Variants in CYRIA observed in about 807,000 individuals in gnomAD.
CYRIA encodes CYFIP related Rac1 interactor A, also known as CYFIP-related Rac1 interactor A.
Under a neutral mutation model 43.9 loss-of-function variants are expected in CYRIA, and 15 were observed. The observed-to-expected ratio is 0.34, with a 90% CI of 0.23 to 0.53. The LOEUF is 0.53. Among genes scored for constraint, CYRIA ranks in the 20% least tolerant of loss-of-function variants. The pLI is 0.94. For missense variants in CYRIA, 236 were observed against 394.2 expected, an observed-to-expected ratio of 0.60 and a Z score of 3.40; for synonymous variants, 117 against 136.0, an observed-to-expected ratio of 0.86 and a Z score of 0.97.
chr2:16,620,356 C>T (rs1668953136), intron 2 of CYRIA, among the ~76,000 whole-genome samples: 1 of 152,162 alleles, frequency 6.6e-6, no homozygotes, highest in Non-Finnish European at 1.5e-5. Context: ...AACCATTTCA[C>T]AGCTATCTGT....
At chr2:16,600,044 T>C (rs974836319) in intron 2 of CYRIA, among the ~76,000 whole-genome samples, 2 of 152,160 alleles carry the variant, frequency 1.3e-5, no homozygotes, top group African/African-American at 4.8e-5. Flanking sequence ...GCGTGAGCCA[T>C]CGTGCCTGGC....
At chr2:16,587,651 T>C (rs1239496417) in intron 3 of CYRIA, among the ~76,000 whole-genome samples, 1 of 152,054 alleles carries the variant, frequency 6.6e-6, no homozygotes, top group Non-Finnish European at 1.5e-5. Flanking sequence ...TTCCCACTTG[T>C]TGTGGGAGGG....
intron 10 of CYRIA, 56 bp from the exon 11 acceptor site, chr2:16,555,195 T>C (rs1489496373): frequency 5.6e-6 from 8 of 1,431,778 alleles, no homozygotes; most frequent in Non-Finnish European, 7.8e-6. Context: ...TCTATGCCAA[T>C]ATCTACCCAT....
intron 3 of CYRIA, among the ~76,000 whole-genome samples, chr2:16,583,678 A>G (rs531603510): frequency 6.6e-6 from 1 of 152,282 alleles, no homozygotes; most frequent in East Asian, 1.9e-4. Context: ...AACTGAAGCC[A>G]TCACTCGTGA....
At chr2:16,556,001 A>G (rs1666497054) in intron 10 of CYRIA, among the ~76,000 whole-genome samples, 1 of 152,130 alleles carries the variant, frequency 6.6e-6, no homozygotes, top group African/African-American at 2.4e-5. Context: ...GTGCATGGAA[A>G]CTGAATTTAT....
chr2:16,579,425 A>ACACACGCACATGCACACACC (rs1667470249), intron 3 of CYRIA, among the ~76,000 whole-genome samples: 1 of 151,604 alleles, frequency 6.6e-6, no homozygotes, highest in African/African-American at 2.4e-5. Context: ...ACATGCACAC[A>ACACACGCACATGCACACACC]CACACACACA....
intron 2 of CYRIA, among the ~76,000 whole-genome samples, chr2:16,615,793 A>G (rs1295035167): frequency 6.6e-6 from 1 of 152,258 alleles, no homozygotes; most frequent in Non-Finnish European, 1.5e-5. Context: ...ACGTTACTGT[A>G]ACATTCGGTG....
chr2:16,653,583 C>A (rs983732677), intron 1 of CYRIA, among the ~76,000 whole-genome samples: 9 of 150,672 alleles, frequency 6.0e-5, no homozygotes, highest in African/African-American at 2.2e-4. Flanking sequence ...CTTTCCCCAA[C>A]AAAATATAAG....
chr2:16,570,073 A>G (rs1667073740), intron 3 of CYRIA, among the ~76,000 whole-genome samples: 1 of 152,156 alleles, frequency 6.6e-6, no homozygotes, highest in African/African-American at 2.4e-5. Context: ...AAGATGGGAT[A>G]GAATGCTGGG....
At chr2:16,652,740 A>T (rs149241335) in intron 1 of CYRIA, among the ~76,000 whole-genome samples, 6 of 152,280 alleles carry the variant, frequency 3.9e-5, no homozygotes, top group African/African-American at 1.4e-4. Flanking sequence ...TATAAACACC[A>T]GTCCCCAGCA....
intron 1 of CYRIA, among the ~76,000 whole-genome samples, chr2:16,648,036 G>A (rs1669869084): frequency 6.6e-6 from 1 of 152,118 alleles, no homozygotes; most frequent in Admixed American, 6.5e-5. Flanking sequence ...AATCCTCACA[G>A]CACCCCTAAG....
intron 2 of CYRIA, among the ~76,000 whole-genome samples, chr2:16,600,214 A>G (rs2103475702): frequency 6.6e-6 from 1 of 152,372 alleles, no homozygotes; most frequent in South Asian, 2.1e-4. Context: ...TAAAAAGTTA[A>G]CACGTAGATT....
At chr2:16,641,554 T>A (rs1404317837) in intron 1 of CYRIA, among the ~76,000 whole-genome samples, 1 of 152,216 alleles carries the variant, frequency 6.6e-6, no homozygotes, top group African/African-American at 2.4e-5. Context: ...CCTCAATCCC[T>A]TTCTTTTGCT....
chr2:16,592,350 A>C (rs1667961323), intron 2 of CYRIA, among the ~76,000 whole-genome samples: 1 of 152,100 alleles, frequency 6.6e-6, no homozygotes, highest in African/African-American at 2.4e-5. Flanking sequence ...TTGTGTAAGC[A>C]CTCATGAAGG....
chr2:16,606,202 T>C (rs1416766023), intron 2 of CYRIA, among the ~76,000 whole-genome samples: 1 of 152,080 alleles, frequency 6.6e-6, no homozygotes, highest in Non-Finnish European at 1.5e-5. Context: ...AATCTTCTCC[T>C]CTTCCCTCAC....
rs1159046017 is a variant in CYRIA at position 16,564,116 on chromosome 2, G to A, written c.193-22C>T. On this transcript the variant is annotated intron_variant, in intron 4 of 11. Transcript: ENST00000381323. ...TTGCCTGCAAAAACACAGTAGAGCT[G>A]ACTGTTTAAAAAGAAGTGGTAAGCT... 5 of 1,578,928 alleles carry A rather than the reference G, an allele frequency of 3.2e-6. No homozygotes were observed. The South Asian group carries it at 4.5e-5, about 14-fold the overall frequency.
At chr2:16,570,157 A>C (rs1667076961) in intron 3 of CYRIA, among the ~76,000 whole-genome samples, 1 of 151,928 alleles carries the variant, frequency 6.6e-6, no homozygotes, top group Non-Finnish European at 1.5e-5. Context: ...TCCCAAAATG[A>C]CTTTATTTTA....
intron 1 of CYRIA, among the ~76,000 whole-genome samples, chr2:16,629,176 C>A (rs1245552877): frequency 5.3e-5 from 8 of 152,158 alleles, no homozygotes; most frequent in African/African-American, 1.7e-4. Context: ...AGGACACAGA[C>A]CTGGGGTCCT....
intron 2 of CYRIA, among the ~76,000 whole-genome samples, chr2:16,590,545 T>TAAG (rs1667894244): frequency 6.6e-6 from 1 of 152,138 alleles, no homozygotes; most frequent in African/African-American, 2.4e-5. Flanking sequence ...ACTGTCAGAG[T>TAAG]ACCTAAGTAG....
Sources: allele counts gnomAD v4.1 joint callset (sites outside exome capture counted in the v4.1 genomes callset), GRCh38; gene constraint gnomAD v4.1.1; transcripts MANE v1.5; gene names NCBI Gene and HGNC (gene_info 2026-07-23, HGNC 2026-07-21).